Variants in RECQL4 observed in about 807,000 individuals in gnomAD.
The protein encoded by RECQL4 is RecQ like helicase 4, also known as ATP-dependent DNA helicase Q4.
RECQL4 carries 158 observed loss-of-function variants against 128.6 expected under a neutral mutation model. The observed-to-expected ratio is 1.23, with a 90% CI of 1.08 to 1.40. RECQL4 has a LOEUF of 1.40. Among genes scored for constraint, RECQL4 ranks in the 40% most tolerant of loss-of-function variants. The probability of loss-of-function intolerance (pLI) is 0.00; values close to 1 mark genes in which losing one functional copy is unlikely to be tolerated. For missense variants in RECQL4, 2,293 were observed against 1,649.8 expected (o/e 1.39, Z -6.75); for synonymous variants, 996 against 678.9 (o/e 1.47, Z -7.26).
intron 9 of RECQL4, 21 bp from the exon 10 acceptor site, chr8:144,514,546 G>T (rs373225871): frequency 6.2e-7 from 1 of 1,603,984 alleles, no homozygotes; most frequent in African/African-American, 1.3e-5. Flanking sequence ...AGGAGCGACA[G>T]CCGTCATACG....
In RECQL4 at chr8:144,515,972, C is replaced by T. The variant is rs1330763105; in HGVS notation, c.1131+16G>A. On this transcript the variant is annotated intron_variant, in intron 5 of 20. Transcript: ENST00000617875. ...GAGGGAAAGGGAATGCCTGTCCTGGCCCGTCGCTGTCTTACCTGCTTGCGG... is the reference window on the plus strand; with the variant it reads ...GAGGGAAAGGGAATGCCTGTCCTGGTCCGTCGCTGTCTTACCTGCTTGCGG... 1 of 1,610,764 alleles carries T rather than the reference C, an allele frequency of 6.2e-7. No homozygotes were observed.
intron 15 of RECQL4, 21 bp downstream of exon 15, chr8:144,512,826 G>A (rs778735326): frequency 1.2e-6 from 2 of 1,608,444 alleles, no homozygotes; most frequent in Non-Finnish European, 8.5e-7. Flanking sequence ...ACACCCCTGT[G>A]GCTTACCCCA....
chr8:144,513,981 G>C lies in RECQL4; in HGVS notation c.2005C>G (p.Pro669Ala), dbSNP rs888214723. Residue 669 changes from proline to alanine, a missense_variant, in exon 12 of 21, where the codon CCA becomes GCA. Transcript: ENST00000617875. Reference protein sequence around the residue: ...AEEPDLHGPAPVPTNLHLSVS... With the variant: ...AEEPDLHGPAAVPTNLHLSVS... ...GAAAGGTGCAGGTTGGTGGGAACTG[G>C]GGCTGGCCCGTGGAGGTCAGGCTCT... 4 of 1,565,056 alleles carry C rather than the reference G, an allele frequency of 2.6e-6. No homozygotes were observed. In the African/African-American group the frequency reaches 4.1e-5, roughly 16 times the overall value.
intron 7 of RECQL4, 37 bp downstream of exon 7, chr8:144,515,289 C>A: frequency 6.2e-7 from 1 of 1,610,912 alleles, no homozygotes; most frequent in Non-Finnish European, 8.5e-7. Context: ...ACCCCAACCC[C>A]TCAGTGAAGG....
chr8:144,512,803 G>A (rs1426570853), intron 15 of RECQL4, 32 bp from the exon 16 acceptor site: 1 of 1,610,192 alleles, frequency 6.2e-7, no homozygotes, highest in Non-Finnish European at 8.5e-7. Flanking sequence ...GCGGACGCGG[G>A]GACAGCCCCT....
chr8:144,514,097 T>A lies in RECQL4; in HGVS notation c.1889A>T (p.Glu630Val), dbSNP rs2130692831. The stretch of plus-strand genomic sequence containing the variant: ...CAGGAAGCAGTGCACGCCCATGCGC[T>A]CCCGAAGCACCTGCACCAGAGGCGG... ...CYLRVCKVLR[E>V]RMGVHCFLGL... The change falls in exon 12 of 21, where the codon GAG becomes GTG. Residue 630 changes from glutamate to valine, a missense_variant. By Grantham distance (121) the Glu-to-Val change is moderately radical (BLOSUM62 -2). Coordinates refer to ENST00000617875, the MANE Select transcript of RECQL4 (RefSeq NM_004260.4). The A allele has an allele frequency of 3.1e-6, 5 of 1,603,998 alleles. No homozygotes were observed. Among genetic ancestry groups the A allele is most frequent in the Non-Finnish European group, 4.3e-6 (5 of 1,176,214 alleles).
Position 144,513,241 on chromosome 8 carries a change from A to C in RECQL4, c.2440T>G (p.Cys814Gly). ...ACCTGGGGCTGCAGGAAGAGGTGGC[A>C]GTGGGCAGGCTGCCCGTCACGCCCG... ...RAGRDGQPAH[C>G]HLFLQPQGED... Residue 814 changes from cysteine to glycine, a missense_variant, in exon 14 of 21, where the codon TGC (cysteine) becomes GGC (glycine). Coordinates refer to ENST00000617875, the MANE Select transcript of RECQL4 (RefSeq NM_004260.4). 6.3e-7 allele frequency: 1 copy of C among 1,584,874 alleles called. No homozygotes were observed. Among genetic ancestry groups the C allele is most frequent in the East Asian group, 2.3e-5 (1 of 44,346 alleles).
rs2130715942 is a variant in RECQL4, at chr8:144,516,021, G to A, written c.1098C>T (p.Gly366=). The A allele has an allele frequency of 6.2e-7, 1 of 1,610,998 alleles. No individual in the cohort carries two copies. The highest frequency in any genetic ancestry group is 8.5e-7 in the Non-Finnish European group (1 of 1,178,570). ...GGAGGAGCCTGCTACGGAGTGCCCG[G>A]CCCCGCACGTAGTGTTTCTGCTTCA... ...LNMKQKHYVR[G]RALRSRLLRK... Residue 366 remains glycine (G), a synonymous_variant, in exon 5 of 21, where the codon GGC becomes GGT. Coordinates refer to ENST00000617875, the MANE Select transcript of RECQL4 (RefSeq NM_004260.4).
At position 144,512,008 on chromosome 8, in the gene RECQL4, C is replaced by T. The variant is rs760298099; in HGVS notation, c.3296G>A (p.Arg1099Lys). Residue 1099 changes from arginine to lysine, a missense_variant, in exon 19 of 21, where the codon AGG (arginine) becomes AAG (lysine). Arg to Lys is a conservative substitution (Grantham distance 26). Coordinates refer to ENST00000617875, the MANE Select transcript of RECQL4 (RefSeq NM_004260.4). ...LEQQDEERST[R>K]LKDLLGRYFE... ...GTAGCGGCCGAGCAGGTCCTTGAGCCTGGTGCTGCGCTCCTCATCCTGCTG... is the reference window on the plus strand; with the variant it reads ...GTAGCGGCCGAGCAGGTCCTTGAGCTTGGTGCTGCGCTCCTCATCCTGCTG... 6.2e-7 allele frequency: 1 copy of T among 1,609,620 alleles called. No homozygotes were observed. The highest frequency in any genetic ancestry group is 1.1e-5 in the South Asian group (1 of 90,534).
Position 144,511,326 on chromosome 8 carries a change from G to C in RECQL4, c.*105C>G, listed in dbSNP as rs946356595. On this transcript the variant is annotated 3_prime_UTR_variant, in exon 21 of 21. Transcript: ENST00000617875. ...AGCATTTTTTATTCTGCATTTTGGAGCCTCCTCGTTCCCACACCCTGTGGC... is the reference window on the plus strand; with the variant it reads ...AGCATTTTTTATTCTGCATTTTGGACCCTCCTCGTTCCCACACCCTGTGGC... 3.3e-5 allele frequency: 52 copies of C among 1,561,496 alleles called. No individual in the cohort carries two copies. Among genetic ancestry groups the C allele is most frequent in the Non-Finnish European group, 4.0e-5 (46 of 1,150,322 alleles).
intron 12 of RECQL4, 25 bp from the exon 13 acceptor site, chr8:144,513,737 C>G (rs1564796775): frequency 1.4e-6 from 2 of 1,399,710 alleles, no homozygotes; most frequent in Non-Finnish European, 1.9e-6. Context: ...TTGGCGTGGG[C>G]AGTGGGGAGT....
Position 144,517,775 on chromosome 8 carries a change from G to A in RECQL4, c.10C>T (p.Leu4=), listed in dbSNP as rs878854640. 63 of 1,262,060 alleles carry A rather than the reference G, an allele frequency of 5.0e-5. No individual in the cohort carries two copies. In the African/African-American group the frequency reaches 8.6e-4, roughly 17 times the overall value. The allele number at this position is 1,262,060 out of a possible 1,614,324, so 78.2% of individuals were successfully genotyped here. The change falls in exon 1 of 21, where the codon CTG becomes TTG. Residue 4 remains leucine, a synonymous_variant. Transcript: ENST00000617875. Reference sequence around the variant, plus strand: ...TGCAGCCGCTCCCGCACGTCCCGCAGCCGCTCCATGGCGCGCGCGCCCGCC... The same window carrying A: ...TGCAGCCGCTCCCGCACGTCCCGCAACCGCTCCATGGCGCGCGCGCCCGCC... MER[L]RDVRERLQAW...
Position 144,516,168 on chromosome 8 carries a change from GGGGTTCGATGGGCTGCTGCA to G in RECQL4, c.931_950del (p.Cys311GlnfsTer12), listed in dbSNP as rs1814928114. ...TGGAGGGGCTGAGTCCGTGGTACCT[GGGGTTCGATGGGCTGCTGCA>G]GGGCTGAGGTGGCTGTGCCTGTACA... On this transcript the variant is annotated frameshift_variant, in exon 5 of 21. Coordinates refer to ENST00000617875, the MANE Select transcript of RECQL4 (RefSeq NM_004260.4). LOFTEE classifies it high-confidence loss of function. 1.2e-6 allele frequency: 2 copies of G among 1,613,346 alleles called. No homozygotes were observed. Among genetic ancestry groups the G allele is most frequent in the African/African-American group, 1.3e-5 (1 of 74,930 alleles).
rs929989281 is a variant in RECQL4 at position 144,516,725 on chromosome 8, T to C, written c.394A>G (p.Arg132Gly). 5 of 1,535,742 alleles carry C rather than the reference T, an allele frequency of 3.3e-6. No individual in the cohort carries two copies. Among genetic ancestry groups the C allele is most frequent in the Middle Eastern group, 1.8e-4 (1 of 5,654 alleles). ...GGGGTGGATGCCTTAGATGAGGCTC[T>C]TCCTAGAGGCCACGGTCTGCGGCCC... ...ALGRRPWPLG[R>G]ASSKASTPKP... is the part of the protein sequence containing the mutation. Residue 132 changes from arginine to glycine, a missense_variant, in exon 5 of 21, where the codon AGA (arginine) becomes GGA (glycine). Coordinates refer to ENST00000617875, the MANE Select transcript of RECQL4 (RefSeq NM_004260.4).
Position 144,516,619 on chromosome 8 carries a change from G to A in RECQL4, c.500C>T (p.Pro167Leu). The A allele has an allele frequency of 6.2e-7, 1 of 1,610,882 alleles. No individual in the cohort carries two copies. The highest frequency in any genetic ancestry group is 8.5e-7 in the Non-Finnish European group (1 of 1,179,016). Reference protein sequence around the residue: ...DEPPQLPEPQPRPGRLQHLQA... With the variant: ...DEPPQLPEPQLRPGRLQHLQA... Reference sequence around the variant, plus strand: ...CAGATGCTGGAGCCGGCCTGGCCTTGGCTGGGGCTCAGGGAGCTGTGGAGG... The same window carrying A: ...CAGATGCTGGAGCCGGCCTGGCCTTAGCTGGGGCTCAGGGAGCTGTGGAGG... The change falls in exon 5 of 21, where the codon CCA becomes CTA. Residue 167 changes from proline to leucine, a missense_variant. Pro to Leu is a moderately conservative substitution (Grantham distance 98, BLOSUM62 -3). Transcript: ENST00000617875.
In RECQL4 at chr8:144,511,368, C is replaced by T; in HGVS notation, c.*63G>A. On this transcript the variant is annotated 3_prime_UTR_variant, in exon 21 of 21. Coordinates refer to ENST00000617875, the MANE Select transcript of RECQL4 (RefSeq NM_004260.4). The stretch of plus-strand genomic sequence containing the variant: ...CCCTGTGGCAGGTTTTGCCCAGGTC[C>T]TCAGTCACTGCCCTAGCCTCTGACA... 2 of 1,593,946 alleles carry T rather than the reference C, an allele frequency of 1.3e-6. No homozygotes were observed. The highest frequency in any genetic ancestry group is 1.7e-6 in the Non-Finnish European group (2 of 1,164,782).
At position 144,515,835 on chromosome 8, in the gene RECQL4, G is replaced by A. The variant is rs752564961; in HGVS notation, c.1187C>T (p.Thr396Ile). The change falls in exon 6 of 21, where the codon ACA becomes ATA. Residue 396 changes from threonine to isoleucine, a missense_variant. Thr to Ile is a moderately conservative substitution (Grantham distance 89). Transcript: ENST00000617875. ...GAAACAAGACTCCTTGGTTGTGACT[G>A]TGGCACCACCACCCCCAAAACACTC... ...KGECFGGGGA[T>I]VTTKESCFLN... is the part of the protein sequence containing the mutation. The A allele has an allele frequency of 2.7e-5, 43 of 1,612,712 alleles. No individual in the cohort carries two copies. In the South Asian group the frequency reaches 2.7e-4, roughly 10 times the overall value.
intron 5 of RECQL4, 47 bp downstream of exon 5, chr8:144,515,941 T>C: frequency 1.9e-6 from 3 of 1,612,072 alleles, no homozygotes; most frequent in Non-Finnish European, 2.5e-6. Flanking sequence ...ACGGGAGGGC[T>C]GAGGGGAGGG....
rs767427869 is a variant in RECQL4, at chr8:144,513,437, C to T, written c.2244G>A (p.Met748Ile). 8 of 1,609,678 alleles carry T rather than the reference C, an allele frequency of 5.0e-6. No individual in the cohort carries two copies. The East Asian group carries it at 6.7e-5, about 13-fold the overall frequency. ...GTACCCGCCGCCGTTCCCGGCTGCA[C>T]ATGCCCGCGTGGTAGGCCTCGGCTG... ...KTTAEAYHAG[M>I]CSRERRRVQR... The change falls in exon 14 of 21, where the codon ATG (methionine) becomes ATA (isoleucine). Residue 748 changes from methionine to isoleucine, a missense_variant. Physicochemically the swap from Met to Ile is conservative, Grantham distance 10 (BLOSUM62 1). Coordinates refer to ENST00000617875, the MANE Select transcript of RECQL4 (RefSeq NM_004260.4).
Sources: gnomAD v4.1 joint callset for allele counts on GRCh38, gnomAD v4.1.1 for gene constraint, MANE v1.5 for transcripts, NCBI Gene and HGNC (gene_info 2026-07-23, HGNC 2026-07-21) for gene names.